RHOBTB3: variants seen among roughly 807,000 people sequenced by gnomAD.
RHOBTB3 encodes Rho related BTB domain containing 3.
RHOBTB3 carries 47 observed loss-of-function variants against 67.2 expected under a neutral mutation model. That is an observed-to-expected ratio of 0.70 (90% CI 0.55 to 0.89). The LOEUF (loss-of-function observed/expected upper bound fraction) is 0.89, where lower values mean the gene tolerates loss of function less well. Ranked by LOEUF, RHOBTB3 falls within the 40% of genes least tolerant of loss-of-function variation. The pLI, the probability that RHOBTB3 is intolerant of heterozygous loss-of-function variation, is 0.00. For synonymous variants in RHOBTB3, 273 were observed against 274.2 expected (o/e 1.00, Z 0.04); for missense variants, 631 against 750.0 (o/e 0.84, Z 1.85).
chr5:95,755,943 C>A, intron 6 of RHOBTB3, 182 bp downstream of exon 6: 1 of 573,024 alleles, frequency 1.7e-6, no homozygotes, highest in East Asian at 3.0e-5. Flanking sequence ...TTCTGTTTTC[C>A]TTACAAATGT....
At chr5:95,784,165 T>C (rs1746150734) in intron 10 of RHOBTB3, among the ~76,000 whole-genome samples, 1 of 152,232 alleles carries the variant, frequency 6.6e-6, no homozygotes, top group Admixed American at 6.5e-5. Context: ...GTCCCTTTTA[T>C]AAGGAGGCAA....
chr5:95,792,429 AAAAC>A (rs1746433189), intron 11 of RHOBTB3, among the ~76,000 whole-genome samples: 1 of 139,626 alleles, frequency 7.2e-6, no homozygotes, highest in African/African-American at 2.8e-5. Flanking sequence ...AAAAGAAAAG[AAAAC>A]TAAGTATTAT....
At chr5:95,738,614 T>C (rs1246489741) in intron 3 of RHOBTB3, among the ~76,000 whole-genome samples, 1 of 152,186 alleles carries the variant, frequency 6.6e-6, no homozygotes, top group East Asian at 1.9e-4. Context: ...CTTGTACTTC[T>C]GCCTTCCACC....
chr5:95,762,988 C>G (rs1745436137), intron 6 of RHOBTB3, among the ~76,000 whole-genome samples: 4 of 152,170 alleles, frequency 2.6e-5, no homozygotes. Flanking sequence ...GGACGAGTAG[C>G]TCCCTTCCTC....
chr5:95,776,647 A>G (rs1051338618), intron 8 of RHOBTB3, among the ~76,000 whole-genome samples: 5 of 152,166 alleles, frequency 3.3e-5, no homozygotes, highest in Non-Finnish European at 1.5e-5. Context: ...AGGCACCTTG[A>G]TGAGGTGGTA....
intron 3 of RHOBTB3, among the ~76,000 whole-genome samples, chr5:95,738,431 T>C (rs1044521289): frequency 6.6e-6 from 1 of 152,224 alleles, no homozygotes; most frequent in African/African-American, 2.4e-5. Flanking sequence ...CCAAAGTTCA[T>C]GTGATGGCAC....
intron 8 of RHOBTB3, 139 bp from the exon 9 acceptor site, chr5:95,780,113 G>T: frequency 3.4e-6 from 2 of 586,778 alleles, no homozygotes; most frequent in Admixed American, 3.1e-5. Flanking sequence ...TGGATTAATG[G>T]TAGTTATCAC....
At chr5:95,761,731 A>G (rs184338380) in intron 6 of RHOBTB3, among the ~76,000 whole-genome samples, 1 of 152,284 alleles carries the variant, frequency 6.6e-6, no homozygotes, top group East Asian at 1.9e-4. Flanking sequence ...GTATTTTATA[A>G]AAGATCTCAG....
chr5:95,738,405 G>C (rs1296697888), intron 3 of RHOBTB3, among the ~76,000 whole-genome samples: 2 of 152,128 alleles, frequency 1.3e-5, no homozygotes, highest in Non-Finnish European at 2.9e-5. Flanking sequence ...CAGTTGCTGT[G>C]GTCTGAATTT....
chr5:95,736,395 C>T (rs141072541), intron 2 of RHOBTB3, among the ~76,000 whole-genome samples: 175 of 152,216 alleles, frequency 1.1e-3, no homozygotes, highest in African/African-American at 4.0e-3. Context: ...GAAAAGTATA[C>T]ATGAATTTTG....
chr5:95,784,100 C>T (rs1293377476), intron 10 of RHOBTB3, 137 bp downstream of exon 10: 2 of 646,336 alleles, frequency 3.1e-6, no homozygotes, highest in African/African-American at 1.8e-5. Context: ...GGCTAAAGTG[C>T]CTTCACAACA....
chr5:95,745,231 G>C (rs1357630924), intron 3 of RHOBTB3, among the ~76,000 whole-genome samples: 1 of 150,740 alleles, frequency 6.6e-6, no homozygotes, highest in East Asian at 2.0e-4. Flanking sequence ...ATCATGCTCA[G>C]CTTCTTGAAA....
chr5:95,758,440 C>T (rs1745308777), intron 6 of RHOBTB3, among the ~76,000 whole-genome samples: 1 of 152,070 alleles, frequency 6.6e-6, no homozygotes, highest in African/African-American at 2.4e-5. Flanking sequence ...ATGGCTGGAG[C>T]GTAGAGTGAA....
intron 9 of RHOBTB3, among the ~76,000 whole-genome samples, chr5:95,780,642 G>A (rs1157554960): frequency 1.3e-5 from 2 of 152,228 alleles, no homozygotes; most frequent in South Asian, 2.1e-4. Context: ...GGTCTCCGAC[G>A]CCGGCACAAG....
chr5:95,753,413 G>A (rs1038490064), intron 5 of RHOBTB3, among the ~76,000 whole-genome samples: 4 of 152,052 alleles, frequency 2.6e-5, no homozygotes, highest in Admixed American at 1.3e-4. Flanking sequence ...TTAATACAAA[G>A]TTCAGGGCAA....
intron 8 of RHOBTB3, chr5:95,770,568 G>T: frequency 2.4e-6 from 1 of 413,356 alleles, no homozygotes; most frequent in Non-Finnish European, 4.9e-6. Flanking sequence ...TTGGCCCAAC[G>T]AAGGATGTGA....
At chr5:95,756,471 T>C (rs1045863645) in intron 6 of RHOBTB3, among the ~76,000 whole-genome samples, 1 of 152,232 alleles carries the variant, frequency 6.6e-6, no homozygotes. Flanking sequence ...GTGAACATAG[T>C]GTACAAATAT....
rs909657808 is a variant in RHOBTB3, at chr5:95,795,854, T to C, written c.*2680T>C. The C allele has an allele frequency of 6.6e-6, 1 of 152,214 alleles. No individual in the cohort carries two copies. Among genetic ancestry groups the C allele is most frequent in the African/African-American group, 2.4e-5 (1 of 41,440 alleles). 9.4% of individuals were successfully genotyped at this position (152,214 alleles called of 1,614,324 possible). ...AGATTATTTCTAGATGGGTAGTGCT[T>C]TGTGCTGGTTTCTGCTTCCATATAT... On this transcript the variant is annotated 3_prime_UTR_variant, in exon 12 of 12. Coordinates refer to ENST00000379982, the MANE Select transcript of RHOBTB3 (RefSeq NM_014899.4).
At chr5:95,725,688 A>G (rs1755033110) in intron 1 of RHOBTB3, among the ~76,000 whole-genome samples, 3 of 152,214 alleles carry the variant, frequency 2.0e-5, no homozygotes, top group Non-Finnish European at 4.4e-5. Context: ...TACTTGTATA[A>G]CCTCTTACAG....
Sources: allele counts gnomAD v4.1 joint callset (sites outside exome capture counted in the v4.1 genomes callset), GRCh38; gene constraint gnomAD v4.1.1; transcripts MANE v1.5; gene names NCBI Gene and HGNC (gene_info 2026-07-23, HGNC 2026-07-21).